The following CHST8 variants were observed in gnomAD, a reference collection of about 807,000 sequenced individuals.
The protein encoded by CHST8 is GALNAC-4-ST1.
A neutral mutation model predicts 15.0 loss-of-function variants in CHST8; 10 were observed. That is an observed-to-expected ratio of 0.67 (90% CI 0.41 to 1.13). The LOEUF (loss-of-function observed/expected upper bound fraction) is 1.13. Ranked by LOEUF, CHST8 falls within the 50% of genes most tolerant of loss-of-function variation. The probability of loss-of-function intolerance (pLI) is 0.00; values close to 1 mark genes in which losing one functional copy is unlikely to be tolerated. For synonymous variants in CHST8, 259 were observed against 256.6 expected (o/e 1.01, Z -0.09); for missense variants, 634 against 608.2 (o/e 1.04, Z -0.45).
chr19:33,757,310 GTGGAGGTTGCAGT>G, intron 3 of CHST8, among the ~76,000 whole-genome samples: 1 of 150,584 alleles, frequency 6.6e-6, no homozygotes, highest in Non-Finnish European at 1.5e-5. Flanking sequence ...GAACCAGGAG[GTGGAGGTTGCAGT>G]GAGCCAAAAC....
At chr19:33,746,324 A>G (rs1427270870) in intron 3 of CHST8, among the ~76,000 whole-genome samples, 1 of 152,108 alleles carries the variant, frequency 6.6e-6, no homozygotes, top group African/African-American at 2.4e-5. Flanking sequence ...CCACCCCAGA[A>G]CATTCCCTCG....
chr19:33,695,911 C>T (rs1318636440), intron 3 of CHST8, among the ~76,000 whole-genome samples: 1 of 149,718 alleles, frequency 6.7e-6, no homozygotes, highest in African/African-American at 2.5e-5. Context: ...CTGCAACCTC[C>T]ACCTCCTGGG....
rs1973512579 is a variant in CHST8 at position 33,709,643 on chromosome 19, T to C, written c.130+20252T>C. On this transcript the variant is annotated intron_variant, in intron 3 of 4. Coordinates refer to ENST00000650847, the MANE Select transcript of CHST8 (RefSeq NM_001127895.2). The stretch of plus-strand genomic sequence containing the variant: ...TTGTGGATTTTTTTTTTTTGAGGGA[T>C]AGTTGTAGTTTTCTTGTGATGTCTT... 2.0e-5 allele frequency among the ~76,000 whole-genome samples: 3 copies of C among 151,940 alleles called. No individual in the cohort carries two copies. The South Asian group carries it at 6.2e-4, about 32-fold the overall frequency.
rs78314406 is a variant in CHST8 at position 33,645,219 on chromosome 19, G to A, written c.-163-22548G>A. ...AGTCAGGAGTTGGGGGACAGGGCCC[G>A]CTGGAGATGAGGCCGTGTGGGGGCG... On this transcript the variant is annotated intron_variant, in intron 1 of 4. Transcript: ENST00000650847. Among the ~76,000 whole-genome samples, 630 of 152,320 alleles carry A rather than the reference G, an allele frequency of 4.1e-3. 6 individuals are homozygous for A. The highest frequency in any genetic ancestry group is 0.015 in the African/African-American group (605 of 41,560).
At chr19:33,744,253 T>C (rs1323823169) in intron 3 of CHST8, 1 of 152,354 alleles carries the variant, frequency 6.6e-6, no homozygotes, top group South Asian at 2.1e-4. Flanking sequence ...GGGGACATGC[T>C]GTGATTTAAC....
chr19:33,689,050 C>A (rs1161082675), intron 2 of CHST8, 126 bp from the exon 3 acceptor site: 1 of 441,808 alleles, frequency 2.3e-6, no homozygotes, highest in African/African-American at 2.0e-5. Context: ...GGAAAGGGCA[C>A]CCCTGGGTAA....
At chr19:33,726,260 G>A (rs995813191) in intron 3 of CHST8, among the ~76,000 whole-genome samples, 3 of 152,170 alleles carry the variant, frequency 2.0e-5, no homozygotes, top group African/African-American at 7.2e-5. Context: ...TGGTATTGAT[G>A]TCTTTAAAGG....
chr19:33,742,100 C>A lies in CHST8; in HGVS notation c.131-29313C>A, dbSNP rs185506251. 8.5e-5 allele frequency among the ~76,000 whole-genome samples: 13 copies of A among 152,244 alleles called. No individual in the cohort carries two copies. The East Asian group carries it at 2.3e-3, about 27-fold the overall frequency. On this transcript the variant is annotated intron_variant, in intron 3 of 4. Transcript: ENST00000650847. Reference sequence around the variant, plus strand: ...TAGAAATGTCTGAGTGTTCTCCTTCCCCAAGTGTACACCTGTTTAACCAAA... The same window carrying A: ...TAGAAATGTCTGAGTGTTCTCCTTCACCAAGTGTACACCTGTTTAACCAAA...
At chr19:33,626,990 A>T (rs1045917355) in intron 1 of CHST8, among the ~76,000 whole-genome samples, 1 of 149,780 alleles carries the variant, frequency 6.7e-6, no homozygotes, top group African/African-American at 2.5e-5. Context: ...GGGTCTCCCT[A>T]TGTTGTCCAA....
chr19:33,623,573 T>C lies in CHST8; in HGVS notation c.-164+1277T>C, dbSNP rs76510699. Among the ~76,000 whole-genome samples the C allele has an allele frequency of 7.6e-3, 1,154 of 152,270 alleles. 18 individuals are homozygous for C. Among genetic ancestry groups the C allele is most frequent in the African/African-American group, 0.026 (1,093 of 41,552 alleles). ...CGCCCAAGGCCCCCAGGAGCTACAA[T>C]ACCAAGCCCACTTTCCTGGGTAACC... is the stretch of plus-strand genomic sequence containing the variant. On this transcript the variant is annotated intron_variant, in intron 1 of 4. Coordinates refer to ENST00000650847, the MANE Select transcript of CHST8 (RefSeq NM_001127895.2).
At chr19:33,633,028 A>T (rs1407883102) in intron 1 of CHST8, among the ~76,000 whole-genome samples, 1 of 151,826 alleles carries the variant, frequency 6.6e-6, no homozygotes, top group East Asian at 1.9e-4. Context: ...ACGGGGTTTC[A>T]CCATGTTGGC....
intron 2 of CHST8, among the ~76,000 whole-genome samples, chr19:33,676,146 A>G (rs1333214362): frequency 2.0e-5 from 3 of 152,072 alleles, no homozygotes; most frequent in African/African-American, 7.2e-5. Flanking sequence ...ATAAGGCTCA[A>G]GTAAGTTTTT....
At chr19:33,708,640 G>C (rs1973490023) in intron 3 of CHST8, among the ~76,000 whole-genome samples, 1 of 152,170 alleles carries the variant, frequency 6.6e-6, no homozygotes, top group African/African-American at 2.4e-5. Context: ...TTTATAAAAA[G>C]TTGTGAAATC....
intron 3 of CHST8, among the ~76,000 whole-genome samples, chr19:33,738,885 C>T (rs908909177): frequency 1.3e-4 from 20 of 152,134 alleles, no homozygotes; most frequent in Admixed American, 2.0e-4. Context: ...CCACCGTGCC[C>T]GGCCGGAGTC....
At chr19:33,759,592 G>A (rs925350216) in intron 3 of CHST8, among the ~76,000 whole-genome samples, 9 of 152,154 alleles carry the variant, frequency 5.9e-5, no homozygotes, top group East Asian at 1.9e-4. Flanking sequence ...CCACAGGCAC[G>A]TCTGCCCCCC....
chr19:33,643,652 T>C (rs1972312966), intron 1 of CHST8, among the ~76,000 whole-genome samples: 1 of 152,236 alleles, frequency 6.6e-6, no homozygotes, highest in Non-Finnish European at 1.5e-5. Flanking sequence ...GCCTCTTCTA[T>C]ACTCTTCTGT....
At chr19:33,767,545 C>G (rs1599642825) in intron 3 of CHST8, among the ~76,000 whole-genome samples, 1 of 152,238 alleles carries the variant, frequency 6.6e-6, no homozygotes, top group African/African-American at 2.4e-5. Flanking sequence ...TGGCAGTGCC[C>G]ATAACTCACG....
intron 3 of CHST8, among the ~76,000 whole-genome samples, chr19:33,752,564 T>C (rs994718874): frequency 1.9e-4 from 29 of 152,184 alleles, no homozygotes; most frequent in African/African-American, 7.0e-4. Context: ...CTGTCGGTTT[T>C]AGGCAGTTCC....
At chr19:33,722,835 C>T (rs904077830) in intron 3 of CHST8, among the ~76,000 whole-genome samples, 51 of 152,350 alleles carry the variant, frequency 3.3e-4, no homozygotes, top group African/African-American at 1.2e-3. Flanking sequence ...AGTCCTGGCT[C>T]AGCCTCTGCA....
Sources: gnomAD v4.1 joint callset for allele counts (sites outside exome capture counted in the v4.1 genomes callset) on GRCh38, gnomAD v4.1.1 for gene constraint, MANE v1.5 for transcripts, NCBI Gene and HGNC (gene_info 2026-07-23, HGNC 2026-07-21) for gene names.